UHRF2: variants seen among roughly 807,000 people sequenced by gnomAD.
The protein encoded by UHRF2 is E3 ubiquitin-protein ligase UHRF2.
UHRF2 carries 23 observed loss-of-function variants against 96.8 expected under a neutral mutation model. That is an observed-to-expected ratio of 0.24 (90% CI 0.17 to 0.34). UHRF2 has a LOEUF of 0.34. Ranked by LOEUF, UHRF2 falls within the 10% of genes least tolerant of loss-of-function variation. The pLI is 1.00. For missense variants in UHRF2, 685 were observed against 981.5 expected (o/e 0.70, Z 4.04); for synonymous variants, 385 against 332.6 (o/e 1.16, Z -1.72).
intron 4 of UHRF2, among the ~76,000 whole-genome samples, chr9:6,465,692 GACTTTTACAAAGA>G (rs1822820080): frequency 1.3e-5 from 2 of 152,072 alleles, no homozygotes; most frequent in Admixed American, 1.3e-4. Context: ...GGTTTTATTA[GACTTTTACAAAGA>G]ACTAACCTTC....
At position 6,481,750 on chromosome 9, in the gene UHRF2, G is replaced by A. The variant is rs769595252; in HGVS notation, c.1268G>A (p.Arg423Gln). 1.3e-5 allele frequency: 21 copies of A among 1,613,398 alleles called. No homozygotes were observed. Among genetic ancestry groups the A allele is most frequent in the Non-Finnish European group, 1.6e-5 (19 of 1,179,766 alleles). The change falls in exon 7 of 16, where the codon CGA becomes CAA. Residue 423 changes from arginine to glutamine, a missense_variant. By Grantham distance (43) the Arg-to-Gln change is conservative. Coordinates refer to ENST00000276893, the MANE Select transcript of UHRF2 (RefSeq NM_152896.3). ...ATGCCGTCAGCTAGTACTGAAAGCC[G>A]AAGAGACTGGGGCAGGGTAAAGAAG... ...AKMPSASTES[R>Q]RDWGRGMACV...
Position 6,477,605 on chromosome 9 carries a change from A to G in UHRF2, c.974-17A>G. On this transcript the variant is annotated splice_polypyrimidine_tract_variant and intron_variant, in intron 5 of 15. Transcript: ENST00000276893. ...AATGTTTTAAGACTAGACTTGCTAT[A>G]ATTTTGTTCTTAATAGGGCGAAATG... 1 of 1,578,338 alleles carries G rather than the reference A, an allele frequency of 6.3e-7. No homozygotes were observed. The highest frequency in any genetic ancestry group is 8.6e-7 in the Non-Finnish European group (1 of 1,161,054).
intron 10 of UHRF2, 75 bp downstream of exon 10, chr9:6,494,007 C>T (rs537797341): frequency 1.2e-5 from 15 of 1,289,426 alleles, no homozygotes; most frequent in African/African-American, 7.4e-5. Context: ...TTGTAACTTA[C>T]GTTGCAGAGG....
intron 3 of UHRF2, among the ~76,000 whole-genome samples, chr9:6,437,471 G>A (rs1300389906): frequency 1.3e-5 from 2 of 152,084 alleles, no homozygotes; most frequent in Admixed American, 1.3e-4. Context: ...GACCTCAGGT[G>A]ATCCACCTAC....
Position 6,420,918 on chromosome 9 carries a change from A to G in UHRF2, c.160A>G (p.Asn54Asp). ...RLFYRGKQLE[N>D]GYTLFDYDVG... ...TTCTTTCTTTATTTTCTAGTTGGAA[A>G]ATGGATATACCTTATTTGATTATGA... is the stretch of plus-strand genomic sequence containing the variant. The change falls in exon 2 of 16, where the codon AAT becomes GAT. Residue 54 changes from asparagine (N) to aspartate (D), a missense_variant. Asn to Asp is a conservative substitution (Grantham distance 23). Transcript: ENST00000276893. The G allele has an allele frequency of 6.2e-7, 1 of 1,612,702 alleles. No individual in the cohort carries two copies. The highest frequency in any genetic ancestry group is 2.2e-5 in the East Asian group (1 of 44,876).
Position 6,427,753 on chromosome 9 carries a change from G to C in UHRF2, c.385-6161G>C, listed in dbSNP as rs571533801. 1.1e-4 allele frequency among the ~76,000 whole-genome samples: 17 copies of C among 152,218 alleles called. No homozygotes were observed. The South Asian group carries it at 3.5e-3, about 32-fold the overall frequency. ...CATTATTTTGCTCTGTTTGATAACTGAGCAATATTTAACCAGTTTCAGATA... is the reference window on the plus strand; with the variant it reads ...CATTATTTTGCTCTGTTTGATAACTCAGCAATATTTAACCAGTTTCAGATA... On this transcript the variant is annotated intron_variant, in intron 2 of 15. Transcript: ENST00000276893.
intron 4 of UHRF2, among the ~76,000 whole-genome samples, chr9:6,469,670 G>A (rs1435001542): frequency 9.8e-6 from 1 of 101,794 alleles, no homozygotes; most frequent in Non-Finnish European, 1.8e-5. Context: ...GTGTGTGTGT[G>A]TGTGTGTATG....
At chr9:6,504,727 T>A in intron 15 of UHRF2, 36 bp downstream of exon 15, 2 of 1,525,176 alleles carry the variant, frequency 1.3e-6, no homozygotes, top group South Asian at 2.3e-5. Flanking sequence ...CCCTGTTAGG[T>A]ATGAAGGCAC....
intron 3 of UHRF2, among the ~76,000 whole-genome samples, chr9:6,454,295 T>A (rs749705479): frequency 6.6e-6 from 1 of 152,222 alleles, no homozygotes; most frequent in Non-Finnish European, 1.5e-5. Context: ...CCAGGATTGA[T>A]ACAAGGATCC....
chr9:6,470,401 A>G (rs936391474), intron 4 of UHRF2, among the ~76,000 whole-genome samples: 7 of 152,062 alleles, frequency 4.6e-5, no homozygotes, highest in African/African-American at 1.7e-4. Flanking sequence ...TATCTTTTTC[A>G]TGAAGATACC....
chr9:6,430,320 C>T (rs554345886), intron 2 of UHRF2, among the ~76,000 whole-genome samples: 1 of 152,096 alleles, frequency 6.6e-6, no homozygotes, highest in African/African-American at 2.4e-5. Flanking sequence ...CTTAATGTGG[C>T]TATATCTTTG....
In UHRF2 at chr9:6,442,164, C is replaced by T. The variant is rs543186501; in HGVS notation, c.644+7991C>T. 1.1e-4 allele frequency among the ~76,000 whole-genome samples: 16 copies of T among 152,238 alleles called. No homozygotes were observed. The South Asian group carries it at 3.3e-3, about 32-fold the overall frequency. On this transcript the variant is annotated intron_variant, in intron 3 of 15. Transcript: ENST00000276893. The stretch of plus-strand genomic sequence containing the variant: ...GTTTTTAATAGAGACAAGGTTTCAC[C>T]ATGTTGTCCAGGCTGGTCTCAAACT...
chr9:6,482,145 A>G (rs1823965398), intron 8 of UHRF2, 46 bp downstream of exon 8: 1 of 1,441,568 alleles, frequency 6.9e-7, no homozygotes. Flanking sequence ...ATTGGCTATC[A>G]GATTATAGCA....
chr9:6,457,803 A>G (rs1035178221), intron 3 of UHRF2, among the ~76,000 whole-genome samples: 3 of 152,204 alleles, frequency 2.0e-5, no homozygotes, highest in Non-Finnish European at 2.9e-5. Context: ...GTGATGGATT[A>G]TGTTTATTGA....
Position 6,482,087 on chromosome 9 carries a change from A to G in UHRF2, c.1380A>G (p.Arg460=), listed in dbSNP as rs372282086. The change falls in exon 8 of 16, where the codon AGA becomes AGG. Residue 460 remains arginine (R), a synonymous_variant. Coordinates refer to ENST00000276893, the MANE Select transcript of UHRF2 (RefSeq NM_152896.3). ...IPGIPVGSTW[R]FRVQVSEAGV... The stretch of plus-strand genomic sequence containing the variant: ...GTATTCCTGTTGGATCAACTTGGAG[A>G]TTTAGAGTTCAGGTATGTTTTAACT... 11 of 1,613,714 alleles carry G rather than the reference A, an allele frequency of 6.8e-6. No homozygotes were observed. The highest frequency in any genetic ancestry group is 9.3e-6 in the Non-Finnish European group (11 of 1,179,862).
intron 2 of UHRF2, chr9:6,422,731 C>A (rs1820006862): frequency 1.9e-6 from 1 of 518,854 alleles, no homozygotes. Context: ...TGCTCGGCCT[C>A]CCAAAGTGCT....
At chr9:6,432,716 T>G (rs904890223) in intron 2 of UHRF2, among the ~76,000 whole-genome samples, 1 of 152,204 alleles carries the variant, frequency 6.6e-6, no homozygotes, top group African/African-American at 2.4e-5. Flanking sequence ...GTCTTCTCCC[T>G]TCAAGGAAAA....
intron 2 of UHRF2, among the ~76,000 whole-genome samples, chr9:6,431,896 A>G (rs1820579804): frequency 6.6e-6 from 1 of 152,232 alleles, no homozygotes; most frequent in Admixed American, 6.5e-5. Flanking sequence ...TATATGCTGC[A>G]TTCTCTGCTA....
chr9:6,414,091 G>A (rs1035600634), intron 1 of UHRF2: 1 of 154,448 alleles, frequency 6.5e-6, no homozygotes. Context: ...GCTCTTCCGC[G>A]TCTTCGGCTC....
Sources: gnomAD v4.1 joint callset for allele counts (sites outside exome capture counted in the v4.1 genomes callset) on GRCh38, gnomAD v4.1.1 for gene constraint, MANE v1.5 for transcripts, NCBI Gene and HGNC (gene_info 2026-07-23, HGNC 2026-07-21) for gene names.